The following ADCY2 variants were observed in gnomAD, a reference collection of about 807,000 sequenced individuals.
The protein encoded by ADCY2 is adenylate cyclase 2.
A neutral mutation model predicts 125.2 loss-of-function variants in ADCY2; 31 were observed. That is an observed-to-expected ratio of 0.25 (90% CI 0.19 to 0.33). The LOEUF (loss-of-function observed/expected upper bound fraction) is 0.33. Ranked by LOEUF, ADCY2 falls within the 10% of genes least tolerant of loss-of-function variation. The pLI is 1.00. For missense variants in ADCY2, 904 were observed against 1,418.2 expected (o/e 0.64, Z 5.82); for synonymous variants, 512 against 548.4 (o/e 0.93, Z 0.93).
intron 3 of ADCY2, among the ~76,000 whole-genome samples, chr5:7,618,826 A>G (rs1446409184): frequency 6.6e-6 from 1 of 152,212 alleles, no homozygotes; most frequent in Non-Finnish European, 1.5e-5. Flanking sequence ...TGGTTGGTGC[A>G]GATCATTAGG....
At chr5:7,441,773 G>C (rs1741025095) in intron 2 of ADCY2, among the ~76,000 whole-genome samples, 1 of 152,234 alleles carries the variant, frequency 6.6e-6, no homozygotes, top group African/African-American at 2.4e-5. Flanking sequence ...CTAATCAATT[G>C]ACTTCAAAGA....
At chr5:7,493,817 G>A (rs1443616195) in intron 2 of ADCY2, among the ~76,000 whole-genome samples, 1 of 152,188 alleles carries the variant, frequency 6.6e-6, no homozygotes, top group African/African-American at 2.4e-5. Flanking sequence ...AAAAGAGGAA[G>A]TCTTCCATCT....
intron 4 of ADCY2, among the ~76,000 whole-genome samples, chr5:7,636,730 A>G (rs1407442034): frequency 6.6e-6 from 1 of 152,356 alleles, no homozygotes; most frequent in African/African-American, 2.4e-5. Flanking sequence ...TATAAGTGGG[A>G]TAGTGGCCAA....
chr5:7,548,741 T>C (rs884964), intron 3 of ADCY2, among the ~76,000 whole-genome samples: 30,911 of 152,172 alleles, frequency 0.2, 3,384 homozygotes, highest in African/African-American at 0.23. Flanking sequence ...GGAGTCGAGT[T>C]GACACAGTAT....
chr5:7,592,553 T>A (rs1439792186), intron 3 of ADCY2, among the ~76,000 whole-genome samples: 2 of 148,724 alleles, frequency 1.3e-5, no homozygotes, highest in African/African-American at 2.4e-5. Flanking sequence ...GAAAAAAAAA[T>A]GGTAAAATTT....
chr5:7,673,773 T>C (rs1740021023), intron 4 of ADCY2, among the ~76,000 whole-genome samples: 1 of 152,016 alleles, frequency 6.6e-6, no homozygotes, highest in African/African-American at 2.4e-5. Context: ...TGACAATACG[T>C]AGTAGCCAGA....
At chr5:7,406,446 A>C (rs1739493420) in intron 1 of ADCY2, among the ~76,000 whole-genome samples, 2 of 152,224 alleles carry the variant, frequency 1.3e-5, no homozygotes, top group South Asian at 4.1e-4. Context: ...AAGAAGGATG[A>C]AACTCATTGG....
At chr5:7,745,530 C>G (rs1742570913) in intron 15 of ADCY2, among the ~76,000 whole-genome samples, 1 of 152,100 alleles carries the variant, frequency 6.6e-6, no homozygotes, top group African/African-American at 2.4e-5. Context: ...TCCGAAAGGC[C>G]CTGATGGAAC....
chr5:7,498,625 A>G (rs928835767), intron 2 of ADCY2, among the ~76,000 whole-genome samples: 3 of 152,218 alleles, frequency 2.0e-5, no homozygotes, highest in East Asian at 1.9e-4. Flanking sequence ...AGTATCTACT[A>G]TAGTTCAACA....
In ADCY2 at chr5:7,798,573, C is replaced by CTT. The variant is rs150114974; in HGVS notation, c.2629-3636_2629-3635dup. ...ACGAGGGCAAGAGTTTTGACTATTT[C>CTT]TTTTTTTTTTCTTTTTTTTTTTTTG... is the stretch of plus-strand genomic sequence containing the variant. On this transcript the variant is annotated intron_variant, in intron 20 of 24. Coordinates refer to ENST00000338316, the MANE Select transcript of ADCY2 (RefSeq NM_020546.3). 8.3e-4 allele frequency: 96 copies of CTT among 115,338 alleles called. 2 individuals carry two copies. The highest frequency in any genetic ancestry group is 7.2e-3 in the South Asian group (20 of 2,790). 7.1% of individuals were successfully genotyped at this position (115,338 alleles called of 1,614,324 possible).
chr5:7,483,604 G>A (rs571887457), intron 2 of ADCY2, among the ~76,000 whole-genome samples: 24 of 152,076 alleles, frequency 1.6e-4, no homozygotes, highest in Admixed American at 4.6e-4. Flanking sequence ...ACATGACCTC[G>A]GGTGTTTGGA....
chr5:7,640,827 T>G (rs1738676567), intron 4 of ADCY2, among the ~76,000 whole-genome samples: 1 of 152,238 alleles, frequency 6.6e-6, no homozygotes, highest in African/African-American at 2.4e-5. Flanking sequence ...CATATCTTGC[T>G]ATCTTTCTTT....
At chr5:7,494,992 G>T (rs1031727960) in intron 2 of ADCY2, among the ~76,000 whole-genome samples, 3 of 152,182 alleles carry the variant, frequency 2.0e-5, no homozygotes, top group African/African-American at 7.2e-5. Context: ...GCCACACCCT[G>T]TCTGGGGAAT....
At chr5:7,764,289 G>A (rs780840064) in intron 16 of ADCY2, among the ~76,000 whole-genome samples, 42 of 152,272 alleles carry the variant, frequency 2.8e-4, no homozygotes, top group Admixed American at 1.6e-3. Context: ...ATGAGTGGCC[G>A]AATGTGCTGC....
intron 2 of ADCY2, among the ~76,000 whole-genome samples, chr5:7,500,863 C>T (rs1326416404): frequency 6.6e-6 from 1 of 152,040 alleles, no homozygotes; most frequent in Non-Finnish European, 1.5e-5. Context: ...ATATTTTTCC[C>T]CTTAAAGAAA....
chr5:7,771,826 G>T (rs1743565550), intron 17 of ADCY2, among the ~76,000 whole-genome samples: 1 of 152,154 alleles, frequency 6.6e-6, no homozygotes, highest in South Asian at 2.1e-4. Flanking sequence ...TAGTTTAAAA[G>T]CTGGGCTATT....
At chr5:7,592,802 G>A (rs1048195110) in intron 3 of ADCY2, among the ~76,000 whole-genome samples, 4 of 152,044 alleles carry the variant, frequency 2.6e-5, no homozygotes, top group Non-Finnish European at 5.9e-5. Context: ...CTTGTACCAG[G>A]CAATGAAGAA....
At chr5:7,448,104 TG>T (rs1741339446) in intron 2 of ADCY2, among the ~76,000 whole-genome samples, 1 of 152,178 alleles carries the variant, frequency 6.6e-6, no homozygotes, top group Non-Finnish European at 1.5e-5. Flanking sequence ...GTGTGCTGTC[TG>T]GGGACACCTG....
intron 15 of ADCY2, among the ~76,000 whole-genome samples, chr5:7,744,034 CCTTT>C: frequency 6.6e-6 from 1 of 152,262 alleles, no homozygotes; most frequent in Non-Finnish European, 1.5e-5. Flanking sequence ...TTTATCATTT[CCTTT>C]AAGTTTTCAG....
Sources: gnomAD v4.1 joint callset for allele counts (sites outside exome capture counted in the v4.1 genomes callset) on GRCh38, gnomAD v4.1.1 for gene constraint, MANE v1.5 for transcripts, NCBI Gene and HGNC (gene_info 2026-07-23, HGNC 2026-07-21) for gene names.